Variants in PRDM11 observed in about 807,000 individuals in gnomAD.
PRDM11 encodes PR domain-containing protein 11.
A neutral mutation model predicts 97.8 loss-of-function variants in PRDM11; 20 were observed. The ratio of observed to expected loss-of-function variants is 0.20; its 90% CI spans 0.14 to 0.30. The LOEUF is 0.30. Among genes scored for constraint, PRDM11 ranks in the 10% least tolerant of loss-of-function variants. The pLI is 1.00. For missense variants in PRDM11, 1,139 were observed against 1,555.2 expected (o/e 0.73, Z 4.50); for synonymous variants, 599 against 637.7 (o/e 0.94, Z 0.91).
chr11:45,106,232 C>G (rs980852559), intron 1 of PRDM11, among the ~76,000 whole-genome samples: 1 of 152,134 alleles, frequency 6.6e-6, no homozygotes, highest in Non-Finnish European at 1.5e-5. Context: ...CAAGCTCCTG[C>G]GCTTCCAGGG....
chr11:45,188,089 T>A (rs757669313), intron 4 of PRDM11, among the ~76,000 whole-genome samples: 1 of 152,186 alleles, frequency 6.6e-6, no homozygotes, highest in Non-Finnish European at 1.5e-5. Flanking sequence ...GCAAAAGCTC[T>A]GGCCCCCATT....
intron 4 of PRDM11, among the ~76,000 whole-genome samples, chr11:45,190,786 A>C (rs1027347008): frequency 2.6e-5 from 4 of 152,242 alleles, no homozygotes; most frequent in Non-Finnish European, 5.9e-5. Context: ...AAAGTCATAG[A>C]AATAAAATTA....
intron 1 of PRDM11, among the ~76,000 whole-genome samples, chr11:45,154,641 C>A (rs1216087751): frequency 6.6e-6 from 1 of 152,002 alleles, no homozygotes; most frequent in Non-Finnish European, 1.5e-5. Flanking sequence ...GCCTTCAGTG[C>A]CTTCTAGAGC....
At chr11:45,194,809 G>A (rs1279606325) in intron 4 of PRDM11, among the ~76,000 whole-genome samples, 1 of 151,070 alleles carries the variant, frequency 6.6e-6, no homozygotes, top group Admixed American at 6.6e-5. Context: ...CGTTTTAGCC[G>A]GGATGGTCTC....
intron 1 of PRDM11, among the ~76,000 whole-genome samples, chr11:45,167,159 A>G (rs1852083954): frequency 6.6e-6 from 1 of 152,232 alleles, no homozygotes; most frequent in South Asian, 2.1e-4. Flanking sequence ...CCTGGCACAA[A>G]GTAGGTGCTC....
chr11:45,173,346 GCGCGGTAGCTCA>G (rs1343601674), intron 1 of PRDM11, among the ~76,000 whole-genome samples: 3 of 152,158 alleles, frequency 2.0e-5, no homozygotes, highest in Non-Finnish European at 2.9e-5. Context: ...TTCTGGCTGG[GCGCGGTAGCTCA>G]CGCCTGTAAT....
intron 1 of PRDM11, among the ~76,000 whole-genome samples, chr11:45,165,854 C>T (rs1852050900): frequency 6.6e-6 from 1 of 152,152 alleles, no homozygotes. Flanking sequence ...GTTAATGGGC[C>T]CTTCACTCCC....
intron 4 of PRDM11, among the ~76,000 whole-genome samples, chr11:45,185,854 T>A (rs999857798): frequency 2.6e-5 from 4 of 151,878 alleles, no homozygotes; most frequent in Non-Finnish European, 5.9e-5. Flanking sequence ...GATCTTGAGA[T>A]GGGAGCGATG....
chr11:45,161,699 G>C (rs1327716979), intron 1 of PRDM11, among the ~76,000 whole-genome samples: 2 of 152,256 alleles, frequency 1.3e-5, no homozygotes, highest in Non-Finnish European at 2.9e-5. Context: ...CGCAGCCCCG[G>C]GGGCAAATTG....
intron 1 of PRDM11, among the ~76,000 whole-genome samples, chr11:45,147,150 T>C (rs1851534074): frequency 6.6e-6 from 1 of 151,496 alleles, no homozygotes; most frequent in Admixed American, 6.6e-5. Flanking sequence ...GCCTCCTTCC[T>C]CCCAGCTCGC....
At chr11:45,115,912 G>A (rs1348051886) in intron 1 of PRDM11, among the ~76,000 whole-genome samples, 9 of 141,798 alleles carry the variant, frequency 6.3e-5, no homozygotes, top group Non-Finnish European at 1.2e-4. Context: ...CCTGGGTGAC[G>A]AGTGAAACTC....
chr11:45,209,596 T>G (rs1853643539), intron 5 of PRDM11, among the ~76,000 whole-genome samples: 1 of 152,040 alleles, frequency 6.6e-6, no homozygotes, highest in African/African-American at 2.4e-5. Context: ...TAAACCAACG[T>G]TAAATAATTG....
intron 5 of PRDM11, chr11:45,212,445 C>T: frequency 2.7e-6 from 1 of 368,856 alleles, no homozygotes; most frequent in South Asian, 2.0e-5. Flanking sequence ...AACCACTTTT[C>T]CATCTTTGTT....
intron 1 of PRDM11, among the ~76,000 whole-genome samples, chr11:45,159,053 C>T (rs1851870386): frequency 6.6e-6 from 1 of 152,134 alleles, no homozygotes; most frequent in South Asian, 2.1e-4. Flanking sequence ...AGGAAAGGAC[C>T]CACTGGCCCA....
At chr11:45,189,006 A>G (rs918113236) in intron 4 of PRDM11, among the ~76,000 whole-genome samples, 1 of 152,088 alleles carries the variant, frequency 6.6e-6, no homozygotes, top group Non-Finnish European at 1.5e-5. Flanking sequence ...GGTTCAAGCA[A>G]TTCTCCTGCC....
chr11:45,152,394 A>C (rs1322510287), intron 1 of PRDM11, among the ~76,000 whole-genome samples: 2 of 152,072 alleles, frequency 1.3e-5, no homozygotes, highest in Non-Finnish European at 2.9e-5. Flanking sequence ...TAAAATTGCA[A>C]CCCACCCCAA....
chr11:45,223,219 G>T (rs555962675), intron 6 of PRDM11, among the ~76,000 whole-genome samples: 20 of 152,086 alleles, frequency 1.3e-4, no homozygotes, highest in Admixed American at 1.3e-3. Context: ...AGGCTGAAGT[G>T]GGGGGATCAC....
chr11:45,122,724 C>G (rs1392638190), intron 1 of PRDM11, among the ~76,000 whole-genome samples: 2 of 152,106 alleles, frequency 1.3e-5, no homozygotes, highest in East Asian at 3.9e-4. Flanking sequence ...GCCACATTTT[C>G]TTAATCCAGT....
At position 45,219,397 on chromosome 11, in the gene PRDM11, G is replaced by A. The variant is rs1439243491; in HGVS notation, c.555-173G>A. Among the ~76,000 whole-genome samples, 2 of 152,158 alleles carry A rather than the reference G, an allele frequency of 1.3e-5. No homozygotes were observed. Among genetic ancestry groups the A allele is most frequent in the East Asian group, 3.9e-4 (2 of 5,186 alleles). On this transcript the variant is annotated intron_variant, in intron 5 of 7. Transcript: ENST00000683152. The surrounding 1 kb of genome is among the most constrained non-coding windows in gnomAD (Gnocchi z 4.2). ...ACACGGTGACGTTGGGACAGGGATGGGTTCTGGCTGGTGCTGCTTCTCCGG... is the reference window on the plus strand; with the variant it reads ...ACACGGTGACGTTGGGACAGGGATGAGTTCTGGCTGGTGCTGCTTCTCCGG...
Sources: allele counts gnomAD v4.1 joint callset (sites outside exome capture counted in the v4.1 genomes callset), GRCh38; gene constraint gnomAD v4.1.1; non-coding constraint Gnocchi (gnomAD v3.1); transcripts MANE v1.5; gene names NCBI Gene and HGNC (gene_info 2026-07-23, HGNC 2026-07-21).